WDFY3: variants seen among roughly 807,000 people sequenced by gnomAD.
The protein encoded by WDFY3 is WD repeat and FYVE domain containing 3.
WDFY3 carries 66 observed loss-of-function variants against 409.6 expected under a neutral mutation model. The ratio of observed to expected loss-of-function variants is 0.16; its 90% CI spans 0.13 to 0.20. The LOEUF is 0.20. Among genes scored for constraint, WDFY3 ranks in the 10% least tolerant of loss-of-function variants. The pLI, the probability that WDFY3 is intolerant of heterozygous loss-of-function variation, is 1.00. For synonymous variants in WDFY3, 1,521 were observed against 1,537.1 expected, an observed-to-expected ratio of 0.99 and a Z score of 0.25; for missense variants, 3,031 against 4,298.1, an observed-to-expected ratio of 0.71 and a Z score of 8.24.
chr4:84,898,968 C>T (rs1765995048), intron 2 of WDFY3, among the ~76,000 whole-genome samples: 1 of 152,216 alleles, frequency 6.6e-6, no homozygotes, highest in Admixed American at 6.5e-5. Flanking sequence ...CTGGGTTTAG[C>T]TTCCATACTG....
intron 3 of WDFY3, among the ~76,000 whole-genome samples, chr4:84,880,674 C>CACACATATATAT (rs1218696740): frequency 2.8e-4 from 14 of 50,358 alleles, no homozygotes; most frequent in South Asian, 1.1e-3. Context: ...GGGAACCATA[C>CACACATATATAT]ATATATATAT....
At chr4:84,849,796 A>C in intron 5 of WDFY3, 106 bp downstream of exon 5, 7 of 1,465,878 alleles carry the variant, frequency 4.8e-6, no homozygotes, top group African/African-American at 1.4e-5. Context: ...AAATGAACTC[A>C]ATGTGCTGAG....
In WDFY3 at chr4:84,677,348, G is replaced by A; in HGVS notation, c.10308C>T (p.Ser3436=). 1 of 1,614,090 alleles carries A rather than the reference G, an allele frequency of 6.2e-7. No homozygotes were observed. The highest frequency in any genetic ancestry group is 8.5e-7 in the Non-Finnish European group (1 of 1,179,984). ...GGCCTGGCTGGTCACTCACAGACCA[G>A]CTGAAAACTCGGCCTCGACTGTCAC... ...LVGDSRGRVF[S]WSVSDQPGRS... Residue 3436 remains serine, a synonymous_variant, in exon 67 of 68, where the codon AGC becomes AGT. Transcript: ENST00000295888.
At chr4:84,853,868 C>T (rs1221309125) in intron 4 of WDFY3, among the ~76,000 whole-genome samples, 2 of 152,134 alleles carry the variant, frequency 1.3e-5, no homozygotes, top group African/African-American at 2.4e-5. Flanking sequence ...AAGGTTTATT[C>T]ACTCACAAAT....
chr4:84,928,807 G>A (rs1213234168), intron 2 of WDFY3, among the ~76,000 whole-genome samples: 1 of 152,104 alleles, frequency 6.6e-6, no homozygotes, highest in Non-Finnish European at 1.5e-5. Context: ...TATTTTATGA[G>A]AAATATCATG....
At chr4:84,693,177 G>C in intron 58 of WDFY3, 145 bp from the exon 59 acceptor site, 1 of 856,544 alleles carries the variant, frequency 1.2e-6, no homozygotes, top group Non-Finnish European at 1.7e-6. Context: ...CCCGAGGAAA[G>C]AGATTCAAAG....
At chr4:84,736,385 C>T in intron 41 of WDFY3, 58 bp from the exon 42 acceptor site, 1 of 1,465,690 alleles carries the variant, frequency 6.8e-7, no homozygotes, top group Non-Finnish European at 9.1e-7. Context: ...ATGAGTCTTA[C>T]TTTAAAAACT....
chr4:84,688,699 C>T (rs1317655051), intron 61 of WDFY3, among the ~76,000 whole-genome samples: 2 of 151,622 alleles, frequency 1.3e-5, no homozygotes, highest in Admixed American at 1.3e-4. Context: ...TAAAGAATTA[C>T]AATTGAATGA....
intron 3 of WDFY3, among the ~76,000 whole-genome samples, chr4:84,867,703 A>T (rs995061220): frequency 6.6e-6 from 1 of 152,352 alleles, no homozygotes; most frequent in Non-Finnish European, 1.5e-5. Flanking sequence ...CTAAATTTTT[A>T]AAATATATTT....
rs1324270940 is a variant in WDFY3 at position 84,683,929 on chromosome 4, CTCAGT to C, written c.9726+9_9726+13del. 6.4e-7 allele frequency: 1 copy of C among 1,567,620 alleles called. No individual in the cohort carries two copies. Among genetic ancestry groups the C allele is most frequent in the Non-Finnish European group, 8.7e-7 (1 of 1,147,956 alleles). ...GACAAATATCCTAATGAGTTTTTCT[CTCAGT>C]TCACTTACCCGAACCACTCCATCTG... On this transcript the variant is annotated intron_variant, in intron 63 of 67. Coordinates refer to ENST00000295888, the MANE Select transcript of WDFY3 (RefSeq NM_014991.6).
chr4:84,753,569 G>T, intron 35 of WDFY3, 128 bp downstream of exon 35: 1 of 1,133,188 alleles, frequency 8.8e-7, no homozygotes, highest in East Asian at 2.9e-5. Flanking sequence ...GATGTATAAA[G>T]TTATGAAACT....
In WDFY3 at chr4:84,946,083, G is replaced by A. The variant is rs183759670; in HGVS notation, c.-225-13720C>T. Among the ~76,000 whole-genome samples the A allele has an allele frequency of 2.7e-3, 405 of 152,236 alleles. 2 individuals are homozygous for A. Among genetic ancestry groups the A allele is most frequent in the African/African-American group, 9.3e-3 (388 of 41,558 alleles). Reference sequence around the variant, plus strand: ...TGCCGTACACAGTGTTAATGTGAGTGAAAGATTATCACAATTCTATACAGT... The same window carrying A: ...TGCCGTACACAGTGTTAATGTGAGTAAAAGATTATCACAATTCTATACAGT... On this transcript the variant is annotated intron_variant, in intron 1 of 67. Coordinates refer to ENST00000295888, the MANE Select transcript of WDFY3 (RefSeq NM_014991.6).
intron 4 of WDFY3, among the ~76,000 whole-genome samples, chr4:84,858,575 A>C (rs1007384457): frequency 1.3e-5 from 2 of 152,190 alleles, no homozygotes; most frequent in African/African-American, 4.8e-5. Flanking sequence ...GAATATTCTC[A>C]AAGAAATATT....
chr4:84,769,516 G>A (rs1292257666), intron 30 of WDFY3, among the ~76,000 whole-genome samples: 1 of 152,042 alleles, frequency 6.6e-6, no homozygotes, highest in Non-Finnish European at 1.5e-5. Flanking sequence ...CTGGGTTAAC[G>A]CCATTCTCCT....
intron 56 of WDFY3, among the ~76,000 whole-genome samples, chr4:84,697,337 T>C (rs182770668): frequency 7.6e-4 from 116 of 152,344 alleles, no homozygotes; most frequent in African/African-American, 2.6e-3. Flanking sequence ...AAGAGCTCTG[T>C]AGAACTGGCA....
intron 1 of WDFY3, among the ~76,000 whole-genome samples, chr4:84,946,009 A>G (rs571043759): frequency 6.6e-5 from 10 of 152,296 alleles, no homozygotes; most frequent in Non-Finnish European, 1.2e-4. Context: ...ACCTGGGGCT[A>G]GGAAGATCAT....
chr4:84,843,231 A>G (rs1757624647), intron 5 of WDFY3, among the ~76,000 whole-genome samples: 1 of 152,182 alleles, frequency 6.6e-6, no homozygotes, highest in South Asian at 2.1e-4. Context: ...GTTGAATGAT[A>G]CAGGGAGATT....
chr4:84,796,252 A>T (rs1749422239), intron 19 of WDFY3, among the ~76,000 whole-genome samples: 1 of 151,886 alleles, frequency 6.6e-6, no homozygotes, highest in African/African-American at 2.4e-5. Context: ...AAAAAAAAAA[A>T]ATTTGCAAAA....
At chr4:84,920,414 C>T (rs1374012634) in intron 2 of WDFY3, among the ~76,000 whole-genome samples, 1 of 152,110 alleles carries the variant, frequency 6.6e-6, no homozygotes, top group Admixed American at 6.6e-5. Context: ...TTCAATGTAA[C>T]TCTCAAATGG....
Sources: gnomAD v4.1 joint callset for allele counts (sites outside exome capture counted in the v4.1 genomes callset) on GRCh38, gnomAD v4.1.1 for gene constraint, MANE v1.5 for transcripts, NCBI Gene and HGNC (gene_info 2026-07-23, HGNC 2026-07-21) for gene names.